The following IL5RA variants were observed in gnomAD, a reference collection of about 807,000 sequenced individuals.
IL5RA encodes interleukin-5 receptor subunit alpha.
In IL5RA, 49 loss-of-function variants were observed where a neutral mutation model predicts 50.0. The ratio of observed to expected loss-of-function variants is 0.98; its 90% CI spans 0.78 to 1.24. The LOEUF is 1.24. Among genes scored for constraint, IL5RA ranks in the 50% most tolerant of loss-of-function variants. The pLI, the probability that IL5RA is intolerant of heterozygous loss-of-function variation, is 0.00. For missense variants in IL5RA, 600 were observed against 500.4 expected (o/e 1.20, Z -1.90); for synonymous variants, 202 against 174.0 (o/e 1.16, Z -1.26).
At chr3:3,108,090 C>A (rs759875164) in intron 2 of IL5RA, among the ~76,000 whole-genome samples, 1 of 152,112 alleles carries the variant, frequency 6.6e-6, no homozygotes, top group South Asian at 2.1e-4. Context: ...AGGATTCATG[C>A]TCTGGTAGGC....
Position 3,076,607 on chromosome 3 carries a change from A to G in IL5RA, c.1015T>C (p.Leu339=), listed in dbSNP as rs1392785947. ...ATCACAATGACAAACCACTCTCTCA[A>G]GGGCTTGTGTTCATCATTTCCTGGT... ...IYVGNDEHKP[L]REWFVIVIMA... Residue 339 remains leucine (L), a synonymous_variant, in exon 10 of 12, where the codon TTG becomes CTG. Transcript: ENST00000446632. 2 of 1,609,906 alleles carry G rather than the reference A, an allele frequency of 1.2e-6. No homozygotes were observed. Among genetic ancestry groups the G allele is most frequent in the Non-Finnish European group, 1.7e-6 (2 of 1,176,432 alleles).
At position 3,101,927 on chromosome 3, in the gene IL5RA, A is replaced by C. The variant is rs140637114; in HGVS notation, c.229-97T>G. ...TGCATTTTCTTCTACTTTTTAAATGATTAGTAAGATGCAATGAAATAGTTT... is the reference window on the plus strand; with the variant it reads ...TGCATTTTCTTCTACTTTTTAAATGCTTAGTAAGATGCAATGAAATAGTTT... On this transcript the variant is annotated intron_variant, in intron 4 of 11. Transcript: ENST00000446632. 1.5e-4 allele frequency: 157 copies of C among 1,065,600 alleles called. No homozygotes were observed. In the African/African-American group the frequency reaches 2.2e-3, roughly 15 times the overall value. 66.0% of individuals were successfully genotyped at this position (1,065,600 alleles called of 1,614,324 possible).
chr3:3,107,795 A>T (rs1162028266), intron 2 of IL5RA, among the ~76,000 whole-genome samples: 21 of 152,232 alleles, frequency 1.4e-4, no homozygotes, highest in Admixed American at 1.4e-3. Context: ...TGGAGAAAAC[A>T]ACCACAGTCT....
intron 11 of IL5RA, among the ~76,000 whole-genome samples, chr3:3,071,171 C>A (rs1702284664): frequency 6.6e-6 from 1 of 152,232 alleles, no homozygotes. Context: ...TCCACACTAG[C>A]CACAGTGCCG....
At position 3,098,200 on chromosome 3, in the gene IL5RA, AG is replaced by A; in HGVS notation, c.457del (p.Leu153PhefsTer87). ...TGTGCCAACAAGCCAGGTGCAGTGA[AG>A]GGAAACTTGGTATGACCTTAAACGT... The part of the protein sequence containing the change: ...YSRLRSYQVS[L>X]HCTWLVGTDA... On this transcript the variant is annotated frameshift_variant, in exon 6 of 12. Coordinates refer to ENST00000446632, the MANE Select transcript of IL5RA (RefSeq NM_175726.4). LOFTEE classifies it high-confidence loss of function. 6.2e-7 allele frequency: 1 copy of A among 1,614,166 alleles called. No homozygotes were observed. Among genetic ancestry groups the A allele is most frequent in the Non-Finnish European group, 8.5e-7 (1 of 1,180,018 alleles).
chr3:3,079,820 G>A (rs1559863307), intron 9 of IL5RA, among the ~76,000 whole-genome samples: 1 of 152,178 alleles, frequency 6.6e-6, no homozygotes, highest in Non-Finnish European at 1.5e-5. Context: ...GATCACTTGA[G>A]GTCAGGCGTT....
At chr3:3,103,153 G>C (rs1703734376) in intron 3 of IL5RA, 1 of 170,818 alleles carries the variant, frequency 5.9e-6, no homozygotes, top group Admixed American at 6.3e-5. Context: ...AAAGTGCTAG[G>C]ATTACAGGCA....
intron 2 of IL5RA, chr3:3,105,335 G>A (rs560182544): frequency 6.1e-6 from 1 of 163,108 alleles, no homozygotes; most frequent in South Asian, 1.8e-4. Context: ...GACATGCCTG[G>A]TGGAACCCAA....
At chr3:3,108,913 A>G (rs540750125) in intron 1 of IL5RA, among the ~76,000 whole-genome samples, 100 of 152,354 alleles carry the variant, frequency 6.6e-4, no homozygotes, top group African/African-American at 2.3e-3. Context: ...TTTGAAATGC[A>G]AACTTTTAAC....
At chr3:3,098,331 C>G (rs544975050) in intron 5 of IL5RA, 41 bp from the exon 6 acceptor site, 1 of 1,570,656 alleles carries the variant, frequency 6.4e-7, no homozygotes, top group African/African-American at 1.4e-5. Flanking sequence ...ATTGCCATGG[C>G]AAACTCTGAA....
intron 7 of IL5RA, among the ~76,000 whole-genome samples, chr3:3,096,098 G>A (rs9851301): frequency 0.32 from 49,333 of 151,844 alleles, 8,211 homozygotes; most frequent in South Asian, 0.54. Context: ...CTAACGTGGT[G>A]AAACCCCCTC....
At chr3:3,099,478 A>G (rs914965940) in intron 5 of IL5RA, among the ~76,000 whole-genome samples, 2 of 151,850 alleles carry the variant, frequency 1.3e-5, no homozygotes, top group Non-Finnish European at 2.9e-5. Context: ...AAAATACAAA[A>G]ATTAGCCAGG....
At chr3:3,096,196 T>G (rs956724461) in intron 7 of IL5RA, among the ~76,000 whole-genome samples, 1 of 151,412 alleles carries the variant, frequency 6.6e-6, no homozygotes, top group Admixed American at 6.6e-5. Flanking sequence ...GAGAATGGCG[T>G]GAACCCAGCA....
At chr3:3,085,373 C>A (rs1702812364) in intron 9 of IL5RA, among the ~76,000 whole-genome samples, 1 of 152,128 alleles carries the variant, frequency 6.6e-6, no homozygotes, top group Non-Finnish European at 1.5e-5. Context: ...TCATGTGGAC[C>A]CTCCTACAAC....
Position 3,103,962 on chromosome 3 carries a change from A to G in IL5RA, c.82+941T>C, listed in dbSNP as rs370267693. Among the ~76,000 whole-genome samples the G allele has an allele frequency of 9.6e-4, 146 of 152,286 alleles. 1 individual carries two copies. The highest frequency in any genetic ancestry group is 3.5e-3 in the African/African-American group (144 of 41,556). Reference sequence around the variant, plus strand: ...CTACATCCATGTTTACCACATGAGGACTTTTAGAGCTCTGTCTATATTGCA... The same window carrying G: ...CTACATCCATGTTTACCACATGAGGGCTTTTAGAGCTCTGTCTATATTGCA... On this transcript the variant is annotated intron_variant, in intron 3 of 11. Transcript: ENST00000446632.
chr3:3,074,718 T>A (rs1702416924), intron 11 of IL5RA, 64 bp downstream of exon 11: 1 of 926,210 alleles, frequency 1.1e-6, no homozygotes, highest in Non-Finnish European at 1.7e-6. Flanking sequence ...AAGAACCGAA[T>A]GACAGCTCCC....
In IL5RA at chr3:3,102,740, C is replaced by T; in HGVS notation, c.163G>A (p.Asp55Asn). ...AGATTAACATTCCTTTGCTCTTGAT[C>T]AGGATTTGGTTTCCATTGTAAAAGA... ...QVLLQWKPNP[D>N]QEQRNVNLEY... is the part of the protein sequence containing the mutation. Residue 55 changes from aspartate (D) to asparagine (N), a missense_variant, in exon 4 of 12, where the codon GAT (aspartate) becomes AAT (asparagine). Coordinates refer to ENST00000446632, the MANE Select transcript of IL5RA (RefSeq NM_175726.4). The T allele has an allele frequency of 6.2e-7, 1 of 1,609,794 alleles. No homozygotes were observed. The highest frequency in any genetic ancestry group is 8.5e-7 in the Non-Finnish European group (1 of 1,176,798).
intron 11 of IL5RA, among the ~76,000 whole-genome samples, chr3:3,074,229 A>G (rs1048164914): frequency 5.9e-5 from 9 of 152,210 alleles, no homozygotes; most frequent in African/African-American, 2.2e-4. Context: ...AAAATTCTCT[A>G]TTAACTAAGA....
At chr3:3,093,557 A>G (rs1703228245) in intron 8 of IL5RA, among the ~76,000 whole-genome samples, 1 of 152,236 alleles carries the variant, frequency 6.6e-6, no homozygotes, top group African/African-American at 2.4e-5. Flanking sequence ...ACGCACACAC[A>G]CGTGCACACA....
Sources: gnomAD v4.1 joint callset for allele counts (sites outside exome capture counted in the v4.1 genomes callset) on GRCh38, gnomAD v4.1.1 for gene constraint, MANE v1.5 for transcripts, NCBI Gene and HGNC (gene_info 2026-07-23, HGNC 2026-07-21) for gene names.